TMPRSS6: variants seen among roughly 807,000 people sequenced by gnomAD.
The protein encoded by TMPRSS6 is transmembrane serine protease 6, also known as transmembrane protease serine 6.
TMPRSS6 carries 67 observed loss-of-function variants against 101.5 expected under a neutral mutation model. The ratio of observed to expected loss-of-function variants is 0.66; its 90% CI spans 0.54 to 0.81. TMPRSS6 has a LOEUF of 0.81. TMPRSS6 is among the 30% of genes least tolerant of loss of function. TMPRSS6 has a pLI of 0.00. For synonymous variants in TMPRSS6, 453 were observed against 464.9 expected (o/e 0.97, Z 0.33); for missense variants, 1,034 against 1,088.7 (o/e 0.95, Z 0.71).
chr22:37,070,735 G>C (rs2146037124), intron 14 of TMPRSS6, 83 bp from the exon 15 acceptor site: 3 of 1,480,944 alleles, frequency 2.0e-6, no homozygotes, highest in Non-Finnish European at 9.4e-7. Context: ...AAAGGAAAGA[G>C]ATGGAGAGAC....
At chr22:37,070,822 C>G in intron 14 of TMPRSS6, 94 bp downstream of exon 14, 2 of 1,388,852 alleles carry the variant, frequency 1.4e-6, no homozygotes, top group South Asian at 2.3e-5. Flanking sequence ...TAGAGAGAGA[C>G]CAGGGGACAA....
rs201456096 is a variant in TMPRSS6 at position 37,073,515 on chromosome 22, G to A, written c.1555+17C>T. ...GCCTTTGGTGTCCCTCCAGACACTC[G>A]GCTAGGCCTGCCCTACCTTCCTGGC... On this transcript the variant is annotated intron_variant, in intron 13 of 17. Coordinates refer to ENST00000676104, the MANE Select transcript of TMPRSS6 (RefSeq NM_001374504.1). 1.9e-4 allele frequency: 297 copies of A among 1,581,098 alleles called. No homozygotes were observed. In the East Asian group the frequency reaches 4.6e-3, roughly 25 times the overall value.
At chr22:37,079,520 C>T (rs1225447882) in intron 10 of TMPRSS6, among the ~76,000 whole-genome samples, 8 of 152,262 alleles carry the variant, frequency 5.3e-5, no homozygotes, top group Non-Finnish European at 1.0e-4. Flanking sequence ...CCCTTACCTA[C>T]AGACAGATTA....
intron 14 of TMPRSS6, 104 bp downstream of exon 14, chr22:37,070,812 T>C (rs1926822941): frequency 1.5e-6 from 2 of 1,342,102 alleles, no homozygotes; most frequent in Admixed American, 1.7e-5. Context: ...GAGGATGAGA[T>C]AGAGAGAGAC....
At chr22:37,078,973 A>AAAAAGAAAGAAAGAAAGAAAGAAAGAAAG (rs1555888508) in intron 10 of TMPRSS6, among the ~76,000 whole-genome samples, 3 of 106,510 alleles carry the variant, frequency 2.8e-5, no homozygotes, top group Admixed American at 2.0e-4. Flanking sequence ...GAAAGAAAGA[A>AAAAAGAAAGAAAGAAAGAAAGAAAGAAAG]AAAGAAAGAA....
At chr22:37,074,837 T>A in intron 11 of TMPRSS6, 129 bp from the exon 12 acceptor site, 2 of 991,356 alleles carry the variant, frequency 2.0e-6, no homozygotes, top group Non-Finnish European at 3.1e-6. Flanking sequence ...ACAGACGTGG[T>A]CCTGGGCACC....
chr22:37,094,018 G>C (rs1929512689), intron 6 of TMPRSS6, among the ~76,000 whole-genome samples: 1 of 148,668 alleles, frequency 6.7e-6, no homozygotes, highest in African/African-American at 2.6e-5. Context: ...GTGAGACTCT[G>C]TTATATATAT....
In TMPRSS6 at chr22:37,103,388, A is replaced by C. The variant is rs946567090; in HGVS notation, c.30T>G (p.Ala10=). 3 of 1,614,030 alleles carry C rather than the reference A, an allele frequency of 1.9e-6. No homozygotes were observed. The highest frequency in any genetic ancestry group is 2.5e-6 in the Non-Finnish European group (3 of 1,180,022). The change falls in exon 2 of 18, where the codon GCT becomes GCG. Residue 10 remains alanine (A), a synonymous_variant. Coordinates refer to ENST00000676104, the MANE Select transcript of TMPRSS6 (RefSeq NM_001374504.1). This position sits in a 1 kb window ranked among gnomAD's most constrained non-coding sequence, Gnocchi z 4.4. The part of the protein sequence containing the change: MPVAEAPQV[A]GGQGDGGDGE... ...CATCACCTCCGTCCCCCTGCCCGCCAGCCACCTGGGGGGCCTCGGCCACGG... is the reference window on the plus strand; with the variant it reads ...CATCACCTCCGTCCCCCTGCCCGCCCGCCACCTGGGGGGCCTCGGCCACGG...
chr22:37,073,992 G>T (rs148226926), intron 12 of TMPRSS6, among the ~76,000 whole-genome samples: 1 of 152,004 alleles, frequency 6.6e-6, no homozygotes, highest in East Asian at 1.9e-4. Context: ...CAGGTGATCC[G>T]CTCGACTCCG....
intron 10 of TMPRSS6, among the ~76,000 whole-genome samples, chr22:37,081,600 C>T (rs981720427): frequency 2.0e-5 from 3 of 152,096 alleles, no homozygotes; most frequent in African/African-American, 7.2e-5. Flanking sequence ...TGATGCCAGC[C>T]CCTGCTGAGC....
At chr22:37,076,122 T>G (rs1927652483) in intron 10 of TMPRSS6, among the ~76,000 whole-genome samples, 1 of 151,956 alleles carries the variant, frequency 6.6e-6, no homozygotes, top group African/African-American at 2.4e-5. Context: ...CTGTTGATCT[T>G]GAATCTGACA....
rs768486060 is a variant in TMPRSS6 at position 37,089,601 on chromosome 22, G to A, written c.813C>T (p.Pro271=). The A allele has an allele frequency of 6.2e-6, 10 of 1,610,400 alleles. No individual in the cohort carries two copies. The highest frequency in any genetic ancestry group is 4.5e-5 in the East Asian group (2 of 44,748). Residue 271 remains proline, a synonymous_variant, in exon 7 of 18, where the codon CCC becomes CCT. Transcript: ENST00000676104. ...ACGAGGTGATGAGCCTCTTCTCCAGGGGCCCGGCCACGTCATACATGGCCA... is the reference window on the plus strand; with the variant it reads ...ACGAGGTGATGAGCCTCTTCTCCAGAGGCCCGGCCACGTCATACATGGCCA... The part of the protein sequence containing the change: ...DRLAMYDVAG[P]LEKRLITSVY...
Position 37,084,758 on chromosome 22 carries a change from G to A in TMPRSS6, c.1055C>T (p.Ser352Leu), listed in dbSNP as rs776912815. 9.6e-6 allele frequency: 15 copies of A among 1,566,314 alleles called. No homozygotes were observed. The African/African-American group carries it at 1.4e-4, about 14-fold the overall frequency. ...GTGCCAGGAGCAGTGGGTTTGGGGCGAGTAGTAGCTGGGGAAGTACGGGGT... is the reference window on the plus strand; with the variant it reads ...GTGCCAGGAGCAGTGGGTTTGGGGCAAGTAGTAGCTGGGGAAGTACGGGGT... ...LSTPYFPSYY[S>L]PQTHCSWHLT... The change falls in exon 9 of 18, where the codon TCG becomes TTG. Residue 352 changes from serine to leucine, a missense_variant. Transcript: ENST00000676104.
At chr22:37,091,954 A>G (rs1023847105) in intron 6 of TMPRSS6, among the ~76,000 whole-genome samples, 1 of 152,150 alleles carries the variant, frequency 6.6e-6, no homozygotes, top group African/African-American at 2.4e-5. Context: ...CCAGAGAGAG[A>G]ACAACAATGT....
Position 37,071,024 on chromosome 22 carries a change from A to C in TMPRSS6, c.1564T>G (p.Cys522Gly), listed in dbSNP as rs770571225. ...TCACACTGGAAGGTGAATGTCCCAC[A>C]TGGCACCCCTGGGACAGAGGGGATG... ...DEEQCQEGVP[C>G]GTFTFQCEDR... Residue 522 changes from cysteine to glycine, a missense_variant, in exon 14 of 18, where the codon TGT (cysteine) becomes GGT (glycine). Physicochemically the swap from Cys to Gly is radical, Grantham distance 159. Coordinates refer to ENST00000676104, the MANE Select transcript of TMPRSS6 (RefSeq NM_001374504.1). 6.2e-7 allele frequency: 1 copy of C among 1,612,052 alleles called. No homozygotes were observed. Among genetic ancestry groups the C allele is most frequent in the Non-Finnish European group, 8.5e-7 (1 of 1,179,500 alleles).
intron 1 of TMPRSS6, among the ~76,000 whole-genome samples, chr22:37,109,181 AG>A (rs1266101755): frequency 1.3e-5 from 2 of 152,136 alleles, no homozygotes; most frequent in Non-Finnish European, 2.9e-5. Flanking sequence ...CAGCATGTCC[AG>A]TCCTGCGAGG....
At chr22:37,090,536 T>G (rs766922784) in intron 6 of TMPRSS6, among the ~76,000 whole-genome samples, 2 of 152,128 alleles carry the variant, frequency 1.3e-5, no homozygotes, top group Non-Finnish European at 2.9e-5. Flanking sequence ...ATAAAACAGG[T>G]GCTTATCAAG....
intron 13 of TMPRSS6, among the ~76,000 whole-genome samples, chr22:37,072,075 TGATG>T (rs375094560): frequency 0.032 from 4,397 of 137,702 alleles, 249 homozygotes; most frequent in African/African-American, 0.12. Context: ...GTTGGATGGA[TGATG>T]GATGGATGGA....
chr22:37,108,430 C>T (rs911828525), intron 1 of TMPRSS6, among the ~76,000 whole-genome samples: 1 of 152,200 alleles, frequency 6.6e-6, no homozygotes, highest in Non-Finnish European at 1.5e-5. Flanking sequence ...CTCCTGGAAG[C>T]GGGGACTGTG....
Sources: allele counts gnomAD v4.1 joint callset (sites outside exome capture counted in the v4.1 genomes callset), GRCh38; gene constraint gnomAD v4.1.1; non-coding constraint Gnocchi (gnomAD v3.1); transcripts MANE v1.5; gene names NCBI Gene and HGNC (gene_info 2026-07-23, HGNC 2026-07-21).